MIR2052HG: variants seen among roughly 807,000 people sequenced by gnomAD.
The protein encoded by MIR2052HG is MIR2052 host gene.
At chr8:74,707,931 T>C (rs1809427943) in intron 4 of MIR2052HG, among the ~76,000 whole-genome samples, 1 of 152,136 alleles carries the variant, frequency 6.6e-6, no homozygotes, top group Non-Finnish European at 1.5e-5. Flanking sequence ...AGGATGGATG[T>C]CTTTATGATG....
chr8:74,726,991 C>T (rs1442960007), intron 4 of MIR2052HG, among the ~76,000 whole-genome samples: 2 of 152,180 alleles, frequency 1.3e-5, no homozygotes, highest in East Asian at 3.9e-4. Flanking sequence ...AACATTACAT[C>T]AGCTTGTTTC....
intron 2 of MIR2052HG, among the ~76,000 whole-genome samples, chr8:74,671,832 A>G (rs943347023): frequency 6.6e-6 from 1 of 152,100 alleles, no homozygotes; most frequent in African/African-American, 2.4e-5. Context: ...TTCTTGCTCA[A>G]AGATTCAATC....
At chr8:74,618,829 T>C (rs536814014) in intron 2 of MIR2052HG, among the ~76,000 whole-genome samples, 2 of 152,314 alleles carry the variant, frequency 1.3e-5, no homozygotes, top group Non-Finnish European at 2.9e-5. Context: ...ACATGCACTC[T>C]AACTGGAAAT....
chr8:74,655,027 C>G (rs886950255), intron 2 of MIR2052HG, among the ~76,000 whole-genome samples: 1 of 152,142 alleles, frequency 6.6e-6, no homozygotes, highest in African/African-American at 2.4e-5. Context: ...AGCAAAGAGA[C>G]TGGTGGCATT....
At chr8:74,674,510 C>A (rs1299789749) in intron 2 of MIR2052HG, among the ~76,000 whole-genome samples, 1 of 151,930 alleles carries the variant, frequency 6.6e-6, no homozygotes, top group Non-Finnish European at 1.5e-5. Context: ...TTTCTACTAA[C>A]AAGTTGGATC....
At chr8:74,700,709 T>C (rs1357033509) in intron 2 of MIR2052HG, among the ~76,000 whole-genome samples, 4 of 152,136 alleles carry the variant, frequency 2.6e-5, no homozygotes, top group Non-Finnish European at 5.9e-5. Context: ...AGACAGCTGA[T>C]TGTATTTTTT....
chr8:74,634,810 G>A (rs559227839), intron 2 of MIR2052HG, among the ~76,000 whole-genome samples: 42 of 152,096 alleles, frequency 2.8e-4, no homozygotes, highest in African/African-American at 9.2e-4. Context: ...GAAATCTGAG[G>A]GGTCCATAGC....
At position 74,716,988 on chromosome 8, in the gene MIR2052HG, TTTTAA is replaced by T. The variant is rs796467364; in HGVS notation, n.371+13317_371+13321del. Among the ~76,000 whole-genome samples, 5 of 152,292 alleles carry T rather than the reference TTTTAA, an allele frequency of 3.3e-5. No homozygotes were observed. The South Asian group carries it at 6.2e-4, about 19-fold the overall frequency. On this transcript the variant is annotated intron_variant and non_coding_transcript_variant, in intron 4 of 6. Transcript: ENST00000523442. ...TCTCAAGCATACACATTCTTTATTT[TTTTAA>T]TTTAATTTAAGTTTTAAAATTGTAC... is the stretch of plus-strand genomic sequence containing the variant.
chr8:74,695,098 C>T (rs754920704), intron 2 of MIR2052HG, among the ~76,000 whole-genome samples: 15 of 152,102 alleles, frequency 9.9e-5, no homozygotes, highest in African/African-American at 2.4e-5. Context: ...ATCAGATTAA[C>T]AGCAGACTTC....
At chr8:74,709,058 A>G (rs1031746744) in intron 4 of MIR2052HG, among the ~76,000 whole-genome samples, 2 of 152,146 alleles carry the variant, frequency 1.3e-5, no homozygotes, top group African/African-American at 4.8e-5. Context: ...TGAATATAAC[A>G]TGTTCCTCTG....
chr8:74,692,637 A>G (rs1325391216), intron 2 of MIR2052HG, among the ~76,000 whole-genome samples: 1 of 152,218 alleles, frequency 6.6e-6, no homozygotes, highest in African/African-American at 2.4e-5. Flanking sequence ...CCCTCTTTAC[A>G]TAAGTTTCTC....
At chr8:74,707,565 T>C (rs1249029125) in intron 4 of MIR2052HG, among the ~76,000 whole-genome samples, 1 of 152,100 alleles carries the variant, frequency 6.6e-6, no homozygotes, top group African/African-American at 2.4e-5. Flanking sequence ...TGCAACTCTT[T>C]GTAGTCTTTG....
intron 4 of MIR2052HG, among the ~76,000 whole-genome samples, chr8:74,721,626 T>G (rs1412200456): frequency 6.6e-6 from 1 of 152,214 alleles, no homozygotes; most frequent in Non-Finnish European, 1.5e-5. Flanking sequence ...AAGAATAGCC[T>G]TCTTACAGCC....
At chr8:74,604,179 T>A in intron 1 of MIR2052HG, 1 of 900,858 alleles carries the variant, frequency 1.1e-6, no homozygotes, top group Non-Finnish European at 1.9e-6. Context: ...CAACTTCCTT[T>A]CCATGCATAA....
At chr8:74,617,235 TCCCTTCCA>T (rs1195244800) in intron 2 of MIR2052HG, among the ~76,000 whole-genome samples, 1 of 152,148 alleles carries the variant, frequency 6.6e-6, no homozygotes, top group Non-Finnish European at 1.5e-5. Flanking sequence ...TAATCCTCAC[TCCCTTCCA>T]CCCTTCCAAC....
chr8:74,663,490 A>G (rs1170920654), intron 2 of MIR2052HG, among the ~76,000 whole-genome samples: 1 of 152,260 alleles, frequency 6.6e-6, no homozygotes, highest in Non-Finnish European at 1.5e-5. Context: ...GGTTGCAAGT[A>G]TGGATCAGCT....
chr8:74,666,739 T>C (rs533176323), intron 2 of MIR2052HG, among the ~76,000 whole-genome samples: 27 of 152,346 alleles, frequency 1.8e-4, no homozygotes, highest in Non-Finnish European at 2.9e-4. Context: ...AAAGATTTAC[T>C]CTCCCACCAA....
At chr8:74,606,782 A>G (rs1225488292) in intron 1 of MIR2052HG, among the ~76,000 whole-genome samples, 1 of 148,092 alleles carries the variant, frequency 6.8e-6, no homozygotes, top group Admixed American at 6.8e-5. Flanking sequence ...CCTGTGACCT[A>G]TATAATAAAT....
At chr8:74,746,335 C>T (rs911936137) in intron 4 of MIR2052HG, among the ~76,000 whole-genome samples, 5 of 152,212 alleles carry the variant, frequency 3.3e-5, no homozygotes, top group East Asian at 1.9e-4. Context: ...CATTTCAGTT[C>T]GACTTAATGC....
Sources: gnomAD v4.1 joint callset for allele counts (sites outside exome capture counted in the v4.1 genomes callset) on GRCh38, gnomAD v4.1.1 for gene constraint, MANE v1.5 for transcripts, NCBI Gene and HGNC (gene_info 2026-07-23, HGNC 2026-07-21) for gene names.